MET: variants seen among roughly 807,000 people sequenced by gnomAD.
MET encodes the protein MET proto-oncogene, receptor tyrosine kinase.
Under a neutral mutation model 133.1 loss-of-function variants are expected in MET, and 48 were observed. The observed-to-expected ratio is 0.36, with a 90% confidence interval of 0.29 to 0.46. The LOEUF is 0.46. Among genes scored for constraint, MET ranks in the 20% least tolerant of loss-of-function variants. MET has a pLI of 1.00. For missense variants in MET, 1,442 were observed against 1,695.9 expected, an observed-to-expected ratio of 0.85 and a Z score of 2.63; for synonymous variants, 628 against 616.5, an observed-to-expected ratio of 1.02 and a Z score of -0.28.
intron 5 of MET, among the ~76,000 whole-genome samples, chr7:116,750,409 TAC>T (rs1448735974): frequency 1.3e-5 from 2 of 152,212 alleles, no homozygotes; most frequent in African/African-American, 4.8e-5. Context: ...ACCCCTTCCT[TAC>T]ACCTTATACA....
rs551451678 is a variant in MET, at chr7:116,745,130, C to T, written c.1701+4105C>T. ...AAAAATCACAAGCATTTTTATACAC[C>T]AATAACAGACAAACAGAGAGCCAAA... On this transcript the variant is annotated intron_variant, in intron 5 of 20. Transcript: ENST00000397752. Among the ~76,000 whole-genome samples, 291 of 151,840 alleles carry T rather than the reference C, an allele frequency of 1.9e-3. 1 individual carries two copies. Among genetic ancestry groups the T allele is most frequent in the Middle Eastern group, 0.017 (5 of 294 alleles).
rs375756311 is a variant in MET at position 116,693,272 on chromosome 7, C to A, written c.-14-5799C>A. Among the ~76,000 whole-genome samples the A allele has an allele frequency of 9.9e-5, 15 of 152,258 alleles. No individual in the cohort carries two copies. The South Asian group carries it at 1.7e-3, about 17-fold the overall frequency. ...GAGTATGCCATTAAATATTTAATAACCATCCCTCTGCGGGCTTTAATAACA... is the reference window on the plus strand; with the variant it reads ...GAGTATGCCATTAAATATTTAATAAACATCCCTCTGCGGGCTTTAATAACA... On this transcript the variant is annotated intron_variant, in intron 1 of 20. Coordinates refer to ENST00000397752, the MANE Select transcript of MET (RefSeq NM_000245.4).
rs199736573 is a variant in MET, at chr7:116,699,373, C to G, written c.289C>G (p.Pro97Ala). 1.9e-5 allele frequency: 31 copies of G among 1,614,000 alleles called. No homozygotes were observed. In the African/African-American group the frequency reaches 3.9e-4, roughly 20 times the overall value. The change falls in exon 2 of 21, where the codon CCA (proline) becomes GCA (alanine). Residue 97 changes from proline (P) to alanine (A), a missense_variant. By Grantham distance (27) the Pro-to-Ala change is conservative. Around this residue, in one of 6 missense-constraint regions of MET, gnomAD observed 762 missense variants for 792.4 expected, o/e 0.96. Transcript: ENST00000397752. ...TGTGCTGGAACACCCAGATTGTTTC[C>G]CATGTCAGGACTGCAGCAGCAAAGC... The part of the protein sequence containing the change: ...GPVLEHPDCF[P>A]CQDCSSKANL...
chr7:116,793,823 C>T (rs1057155138), intron 19 of MET, among the ~76,000 whole-genome samples: 25 of 151,990 alleles, frequency 1.6e-4, no homozygotes, highest in African/African-American at 4.1e-4. Flanking sequence ...CGCTTGAACC[C>T]GGGAGGAAGA....
chr7:116,751,180 C>A (rs1418138444), intron 5 of MET, among the ~76,000 whole-genome samples: 1 of 152,156 alleles, frequency 6.6e-6, no homozygotes, highest in African/African-American at 2.4e-5. Context: ...CCCAAATGCC[C>A]ATCAAAGATA....
At chr7:116,714,691 C>A (rs985778943) in intron 2 of MET, among the ~76,000 whole-genome samples, 8 of 151,408 alleles carry the variant, frequency 5.3e-5, no homozygotes, top group African/African-American at 1.5e-4. Context: ...CAAGTGAAAA[C>A]TTATTTTGTT....
rs146856911 is a variant in MET at position 116,724,750 on chromosome 7, C to T, written c.1201-6918C>T. The T allele has an allele frequency of 1.9e-4, 217 of 1,120,542 alleles. 1 individual carries two copies. In the African/African-American group the frequency reaches 3.0e-3, roughly 15 times the overall value. The allele number at this position is 1,120,542 out of a possible 1,614,324, so 69.4% of individuals were successfully genotyped here. The stretch of plus-strand genomic sequence containing the variant: ...CTGGAAGAGAATTTCGAAATCAATT[C>T]GCTCAACCTCTCCCTTTACAGGCAG... On this transcript the variant is annotated intron_variant, in intron 2 of 20. Transcript: ENST00000397752.
intron 5 of MET, among the ~76,000 whole-genome samples, chr7:116,754,884 AG>A (rs1794068359): frequency 8.2e-6 from 1 of 121,318 alleles, no homozygotes; most frequent in Non-Finnish European, 1.7e-5. Context: ...AGAGAGAGAG[AG>A]AGAAAGAGAG....
chr7:116,743,041 A>G (rs1426681604), intron 5 of MET, among the ~76,000 whole-genome samples: 1 of 152,236 alleles, frequency 6.6e-6, no homozygotes, highest in Non-Finnish European at 1.5e-5. Context: ...TACACGGCTC[A>G]TCTCATTGGG....
intron 5 of MET, among the ~76,000 whole-genome samples, chr7:116,750,490 A>G (rs1793874884): frequency 6.6e-6 from 1 of 152,190 alleles, no homozygotes; most frequent in South Asian, 2.1e-4. Flanking sequence ...CTAGAAGAAA[A>G]CCTAGGCAAT....
chr7:116,721,660 G>A (rs567256878), intron 2 of MET, among the ~76,000 whole-genome samples: 222 of 152,062 alleles, frequency 1.5e-3, no homozygotes, highest in Non-Finnish European at 2.0e-3. Context: ...CTTTGAATGC[G>A]TCCCAGAGAT....
intron 14 of MET, among the ~76,000 whole-genome samples, chr7:116,773,932 A>G (rs1169711073): frequency 2.0e-5 from 3 of 152,140 alleles, no homozygotes; most frequent in African/African-American, 7.2e-5. Flanking sequence ...CAAATGATAC[A>G]TTTTGGTGCT....
At chr7:116,750,732 G>GA (rs1793884302) in intron 5 of MET, among the ~76,000 whole-genome samples, 1 of 151,588 alleles carries the variant, frequency 6.6e-6, no homozygotes, top group Non-Finnish European at 1.5e-5. Context: ...AAATTTACAA[G>GA]GAAAAAAACC....
intron 2 of MET, among the ~76,000 whole-genome samples, chr7:116,720,315 T>C (rs1250577192): frequency 7.1e-6 from 1 of 139,994 alleles, no homozygotes; most frequent in African/African-American, 2.7e-5. Flanking sequence ...AGAATGCTTG[T>C]GATTTTTGTA....
At position 116,673,313 on chromosome 7, in the gene MET, G is replaced by T. The variant is rs116709476; in HGVS notation, c.-15+736G>T. Among the ~76,000 whole-genome samples the T allele has an allele frequency of 6.9e-3, 1,055 of 152,290 alleles. 13 individuals carry two copies. The highest frequency in any genetic ancestry group is 0.025 in the African/African-American group (1,021 of 41,556). ...TTTGCTAATTTGGCAGTTGGAGAGGGCTCCAATGGCTCACGCATGAATAGT... is the reference window on the plus strand; with the variant it reads ...TTTGCTAATTTGGCAGTTGGAGAGGTCTCCAATGGCTCACGCATGAATAGT... On this transcript the variant is annotated intron_variant, in intron 1 of 20. Coordinates refer to ENST00000397752, the MANE Select transcript of MET (RefSeq NM_000245.4).
chr7:116,782,179 C>A (rs1253675900), intron 18 of MET, 82 bp downstream of exon 18: 1 of 950,702 alleles, frequency 1.1e-6, no homozygotes, highest in Non-Finnish European at 1.7e-6. Context: ...GCTAGTTAAG[C>A]TGTTTTCTCT....
intron 12 of MET, among the ~76,000 whole-genome samples, chr7:116,771,234 T>A (rs1362397390): frequency 2.1e-4 from 32 of 152,246 alleles, no homozygotes; most frequent in Non-Finnish European, 2.9e-5. Flanking sequence ...CTTCAGTTCC[T>A]GTTTTTTGTA....
At chr7:116,678,684 T>C (rs892008629) in intron 1 of MET, among the ~76,000 whole-genome samples, 4 of 152,178 alleles carry the variant, frequency 2.6e-5, no homozygotes, top group African/African-American at 9.7e-5. Context: ...CAATTCAACC[T>C]AGCTTTAAAA....
intron 3 of MET, among the ~76,000 whole-genome samples, chr7:116,736,025 G>A (rs749580508): frequency 1.2e-4 from 19 of 152,066 alleles, no homozygotes; most frequent in Admixed American, 2.0e-4. Flanking sequence ...TGATCTGCCC[G>A]CCTTGGCCTC....
Sources: allele counts gnomAD v4.1 joint callset (sites outside exome capture counted in the v4.1 genomes callset), GRCh38; gene constraint gnomAD v4.1.1; regional missense constraint gnomAD v4.1.1; transcripts MANE v1.5; gene names NCBI Gene and HGNC (gene_info 2026-07-23, HGNC 2026-07-21).